The following NEBL variants were observed in gnomAD, a reference collection of about 807,000 sequenced individuals.
NEBL encodes the protein LIM and SH3 protein 2.
Under a neutral mutation model 140.2 loss-of-function variants are expected in NEBL, and 122 were observed. That is an observed-to-expected ratio of 0.87 (90% CI 0.75 to 1.01). NEBL has a LOEUF of 1.01. Ranked by LOEUF, NEBL falls within the 50% of genes least tolerant of loss-of-function variation. The pLI is 0.00. For synonymous variants in NEBL, 436 were observed against 398.9 expected, an observed-to-expected ratio of 1.09 and a Z score of -1.11; for missense variants, 1,365 against 1,231.3, an observed-to-expected ratio of 1.11 and a Z score of -1.62.
chr10:20,956,242 C>G (rs1835798825), intron 4 of NEBL, among the ~76,000 whole-genome samples: 1 of 152,152 alleles, frequency 6.6e-6, no homozygotes, highest in South Asian at 2.1e-4. Flanking sequence ...TATAGAAATA[C>G]TTTTCCCGAG....
At chr10:21,072,000 T>C (rs1835839632) in intron 2 of NEBL, among the ~76,000 whole-genome samples, 1 of 152,118 alleles carries the variant, frequency 6.6e-6, no homozygotes, top group Admixed American at 6.5e-5. Context: ...TGTGTTTTAG[T>C]AGAGATGGGG....
At chr10:20,955,796 A>G (rs774642461) in intron 4 of NEBL, among the ~76,000 whole-genome samples, 3 of 152,166 alleles carry the variant, frequency 2.0e-5, no homozygotes, top group Non-Finnish European at 4.4e-5. Flanking sequence ...GCAGTAACTC[A>G]GGCAAGATAA....
At chr10:20,985,493 T>C (rs958640651) in intron 3 of NEBL, among the ~76,000 whole-genome samples, 7 of 152,208 alleles carry the variant, frequency 4.6e-5, no homozygotes, top group Non-Finnish European at 7.3e-5. Flanking sequence ...AATAAGATTA[T>C]CTTCATATAA....
At chr10:21,259,523 C>A (rs899366882) in intron 1 of NEBL, among the ~76,000 whole-genome samples, 1 of 152,124 alleles carries the variant, frequency 6.6e-6, no homozygotes, top group African/African-American at 2.4e-5. Flanking sequence ...CTCAAAAGAT[C>A]CACACCTAGA....
chr10:21,139,089 CTAGTTACAATA>C lies in NEBL; in HGVS notation c.164+33283_164+33293del, dbSNP rs911276231. On this transcript the variant is annotated intron_variant, in intron 2 of 6. Coordinates refer to the NEBL transcript ENST00000417816. Reference sequence around the variant, plus strand: ...CAAAAGAGAACACGCTCAGTCATCTCTAGTTACAATATGTACACAGAGCTCTCAGATGTTAA... The same window carrying C: ...CAAAAGAGAACACGCTCAGTCATCTCTGTACACAGAGCTCTCAGATGTTAA... Among the ~76,000 whole-genome samples, 22 of 152,236 alleles carry C rather than the reference CTAGTTACAATA, an allele frequency of 1.4e-4. 1 individual carries two copies. In the East Asian group the frequency reaches 3.7e-3, roughly 25 times the overall value.
intron 4 of NEBL, among the ~76,000 whole-genome samples, chr10:20,883,019 A>T (rs1449343475): frequency 6.6e-6 from 1 of 152,218 alleles, no homozygotes; most frequent in Non-Finnish European, 1.5e-5. Context: ...CCAGACTCGC[A>T]GTATGGATTA....
chr10:21,079,595 TCAA>T lies in NEBL; in HGVS notation c.165-59397_165-59395del, dbSNP rs1836276039. ...GCTCCCAGTATAAACATAGGGAGGC[TCAA>T]CAACTTCTCACCCAAATAGAAGGAC... On this transcript the variant is annotated intron_variant, in intron 2 of 6. Transcript: ENST00000417816. 2.0e-5 allele frequency among the ~76,000 whole-genome samples: 3 copies of T among 152,204 alleles called. No individual in the cohort carries two copies. In the South Asian group the frequency reaches 6.2e-4, roughly 32 times the overall value.
chr10:21,245,344 G>A (rs1310126756), intron 3 of NEBL, among the ~76,000 whole-genome samples: 1 of 152,180 alleles, frequency 6.6e-6, no homozygotes, highest in Non-Finnish European at 1.5e-5. Context: ...CAAGGTGCAT[G>A]TTAAACTATG....
chr10:20,998,562 G>T (rs1477235420), intron 3 of NEBL, among the ~76,000 whole-genome samples: 6 of 152,172 alleles, frequency 3.9e-5, no homozygotes, highest in Admixed American at 1.3e-4. Context: ...GCAGATAAAA[G>T]AAGGCAGGGG....
At chr10:20,952,440 GAAA>G (rs71390801) in intron 4 of NEBL, among the ~76,000 whole-genome samples, 5 of 101,724 alleles carry the variant, frequency 4.9e-5, no homozygotes, top group Non-Finnish European at 3.7e-5. Flanking sequence ...CTGTCTGAAG[GAAA>G]AAAAAAAAAA....
At chr10:20,879,377 G>A (rs996107541) in intron 5 of NEBL, among the ~76,000 whole-genome samples, 12 of 152,156 alleles carry the variant, frequency 7.9e-5, no homozygotes, top group African/African-American at 2.9e-4. Flanking sequence ...TCATCCTTAA[G>A]CAAACAGTTC....
chr10:21,170,281 ACCAGGG>A (rs1355597496), intron 2 of NEBL: 1 of 152,070 alleles, frequency 6.6e-6, no homozygotes, highest in Non-Finnish European at 1.5e-5. Flanking sequence ...CTTCAGGCCT[ACCAGGG>A]CCACCCAAAG....
At chr10:21,181,870 T>A (rs1841394047) in intron 3 of NEBL, among the ~76,000 whole-genome samples, 1 of 152,186 alleles carries the variant, frequency 6.6e-6, no homozygotes, top group Non-Finnish European at 1.5e-5. Context: ...AAGAAAAACA[T>A]GTTGACTGGC....
intron 3 of NEBL, among the ~76,000 whole-genome samples, chr10:21,016,073 C>T (rs74122605): frequency 1.3e-5 from 2 of 152,220 alleles, no homozygotes; most frequent in African/African-American, 2.4e-5. Flanking sequence ...GCTGCGGGCC[C>T]GTGGGGGCGT....
chr10:21,187,959 T>C (rs1841504022), intron 3 of NEBL, among the ~76,000 whole-genome samples: 1 of 152,194 alleles, frequency 6.6e-6, no homozygotes, highest in East Asian at 1.9e-4. Context: ...TCGCTAAGTG[T>C]GGGGCTGCTG....
chr10:20,983,865 TTTAG>T (rs1837149268), intron 3 of NEBL, among the ~76,000 whole-genome samples: 2 of 152,320 alleles, frequency 1.3e-5, no homozygotes, highest in South Asian at 4.1e-4. Flanking sequence ...TAATTTACAC[TTTAG>T]TTAATCAAGT....
chr10:20,818,773 A>C, intron 20 of NEBL: 1 of 984,330 alleles, frequency 1.0e-6, no homozygotes, highest in Non-Finnish European at 1.2e-6. Flanking sequence ...TCTCTTGAAT[A>C]AGCAAACACA....
intron 2 of NEBL, among the ~76,000 whole-genome samples, chr10:21,111,171 A>C (rs1837994498): frequency 6.6e-6 from 1 of 152,194 alleles, no homozygotes. Context: ...ATATTTCCCA[A>C]GGTAATTTAT....
At chr10:21,061,429 TG>T (rs1210401928) in intron 2 of NEBL, among the ~76,000 whole-genome samples, 3 of 148,230 alleles carry the variant, frequency 2.0e-5, no homozygotes, top group African/African-American at 4.9e-5. Context: ...ATATATTGCA[TG>T]GTGTATGATA....
Sources: allele counts gnomAD v4.1 joint callset (sites outside exome capture counted in the v4.1 genomes callset), GRCh38; gene constraint gnomAD v4.1.1; transcripts MANE v1.5; gene names NCBI Gene and HGNC (gene_info 2026-07-23, HGNC 2026-07-21).